The following EGLN1 variants were observed in gnomAD, a reference collection of about 807,000 sequenced individuals.
EGLN1 encodes the protein egl nine homolog 1.
Under a neutral mutation model 38.3 loss-of-function variants are expected in EGLN1, and 17 were observed. The ratio of observed to expected loss-of-function variants is 0.44; its 90% CI spans 0.30 to 0.67. EGLN1 has a LOEUF of 0.67. Among genes scored for constraint, EGLN1 ranks in the 30% least tolerant of loss-of-function variants. EGLN1 has a pLI of 0.08. For synonymous variants in EGLN1, 283 were observed against 257.5 expected, an observed-to-expected ratio of 1.10 and a Z score of -0.95; for missense variants, 477 against 603.3, an observed-to-expected ratio of 0.79 and a Z score of 2.19.
intron 3 of EGLN1, among the ~76,000 whole-genome samples, chr1:231,368,177 T>C (rs1399463777): frequency 6.6e-6 from 1 of 151,430 alleles, no homozygotes; most frequent in African/African-American, 2.4e-5. Flanking sequence ...GGTGACAGAG[T>C]GAGCCTCCCT....
chr1:231,386,954 G>C (rs1455481041), intron 1 of EGLN1, among the ~76,000 whole-genome samples: 1 of 152,066 alleles, frequency 6.6e-6, no homozygotes, highest in Non-Finnish European at 1.5e-5. Context: ...TCAAACTCCT[G>C]AGTGGGAGTA....
intron 1 of EGLN1, among the ~76,000 whole-genome samples, chr1:231,410,594 A>C (rs1337328047): frequency 1.3e-5 from 2 of 152,324 alleles, no homozygotes; most frequent in South Asian, 4.1e-4. Flanking sequence ...AATGACTACT[A>C]CAAACTAAGA....
Position 231,421,518 on chromosome 1 carries a change from G to A in EGLN1, c.371C>T (p.Ala124Val), listed in dbSNP as rs972861708. The change falls in exon 1 of 5, where the codon GCG becomes GTG. Residue 124 changes from alanine to valine, a missense_variant. Physicochemically the swap from Ala to Val is moderately conservative, Grantham distance 64 (BLOSUM62 0). Coordinates refer to ENST00000366641, the MANE Select transcript of EGLN1 (RefSeq NM_022051.3). This position sits in a 1 kb window ranked among gnomAD's most constrained non-coding sequence, Gnocchi z 5.5. ...AKPPADPAAA[A>V]SPCRAAAGGQ... Reference sequence around the variant, plus strand: ...GCCGGCGGCCGCACGACACGGCGACGCGGCCGCCGCTGGGTCGGCCGGGGG... The same window carrying A: ...GCCGGCGGCCGCACGACACGGCGACACGGCCGCCGCTGGGTCGGCCGGGGG... 8.4e-6 allele frequency: 11 copies of A among 1,310,116 alleles called. No homozygotes were observed. The highest frequency in any genetic ancestry group is 4.7e-5 in the African/African-American group (3 of 64,026). The allele number at this position is 1,310,116 out of a possible 1,614,324, so 81.2% of individuals were successfully genotyped here.
intron 1 of EGLN1, among the ~76,000 whole-genome samples, chr1:231,395,013 G>T (rs903706254): frequency 3.9e-5 from 6 of 152,100 alleles, no homozygotes; most frequent in Admixed American, 3.9e-4. Context: ...GATTCAGGAG[G>T]TCTGGAGTGG....
chr1:231,393,711 C>T (rs1470572822), intron 1 of EGLN1, among the ~76,000 whole-genome samples: 1 of 152,186 alleles, frequency 6.6e-6, no homozygotes, highest in East Asian at 1.9e-4. Flanking sequence ...TATCCAACCT[C>T]AAATTCAACA....
intron 1 of EGLN1, among the ~76,000 whole-genome samples, chr1:231,388,599 G>A (rs542156846): frequency 1.3e-5 from 2 of 151,934 alleles, no homozygotes; most frequent in South Asian, 4.2e-4. Flanking sequence ...AGCCTCCCAA[G>A]TAGCTGGGAT....
chr1:231,416,858 T>G (rs1163523551), intron 1 of EGLN1, among the ~76,000 whole-genome samples: 1 of 152,226 alleles, frequency 6.6e-6, no homozygotes, highest in African/African-American at 2.4e-5. Context: ...TTTCAGCCTT[T>G]CTACATACAG....
chr1:231,421,111 C>T lies in EGLN1; in HGVS notation c.778G>A (p.Glu260Lys). The T allele has an allele frequency of 6.2e-7, 1 of 1,614,182 alleles. No homozygotes were observed. Among genetic ancestry groups the T allele is most frequent in the Non-Finnish European group, 8.5e-7 (1 of 1,180,036 alleles). The change falls in exon 1 of 5, where the codon GAG becomes AAG. Residue 260 changes from glutamate (E) to lysine (K), a missense_variant. Coordinates refer to ENST00000366641, the MANE Select transcript of EGLN1 (RefSeq NM_022051.3). The surrounding 1 kb of genome is among the most constrained non-coding windows in gnomAD (Gnocchi z 5.5). ...DIRGDKITWI[E>K]GKEPGCETIG... ...GTTTCGCAGCCGGGCTCCTTGCCCT[C>T]GATCCAGGTGATCTTATCGCCTCGG...
At chr1:231,389,470 G>C (rs1023179273) in intron 1 of EGLN1, among the ~76,000 whole-genome samples, 1 of 152,132 alleles carries the variant, frequency 6.6e-6, no homozygotes, top group Non-Finnish European at 1.5e-5. Flanking sequence ...GCGAGTAACA[G>C]TGGCAATAAA....
intron 1 of EGLN1, 83 bp downstream of exon 1, chr1:231,420,915 C>T (rs1656569136): frequency 1.2e-6 from 2 of 1,611,848 alleles, no homozygotes; most frequent in African/African-American, 1.3e-5. Flanking sequence ...AATGCTGCTT[C>T]TCAGCCTAGG....
At chr1:231,374,201 A>C (rs1334067581) in intron 1 of EGLN1, 102 bp from the exon 2 acceptor site, 4 of 969,876 alleles carry the variant, frequency 4.1e-6, no homozygotes, top group African/African-American at 3.3e-5. Flanking sequence ...ATTTACACTT[A>C]GATTCTTCTA....
chr1:231,409,371 T>C (rs1472156609), intron 1 of EGLN1, among the ~76,000 whole-genome samples: 4 of 152,126 alleles, frequency 2.6e-5, no homozygotes, highest in Admixed American at 6.5e-5. Context: ...AGGTTCAACA[T>C]TGTATTTCCC....
intron 1 of EGLN1, among the ~76,000 whole-genome samples, chr1:231,401,848 T>A (rs1330849635): frequency 6.6e-6 from 1 of 152,200 alleles, no homozygotes; most frequent in Non-Finnish European, 1.5e-5. Flanking sequence ...CTGGGTCATA[T>A]GATAAATTTA....
chr1:231,366,451 A>G lies in EGLN1; in HGVS notation c.1241T>C (p.Leu414Pro). The change falls in exon 5 of 5, where the codon CTC (leucine) becomes CCC (proline). Residue 414 changes from leucine (L) to proline (P), a missense_variant. Leu to Pro is a moderately conservative substitution (Grantham distance 98). Around this residue, in one of 4 missense-constraint regions of EGLN1, gnomAD observed 59 missense variants for 119.0 expected, o/e 0.50. Coordinates refer to ENST00000366641, the MANE Select transcript of EGLN1 (RefSeq NM_022051.3). ...ACCGACCGAATCTGAAGGTTTATTGAGTTCAACCCTCACACCTTTTTCACC... is the reference window on the plus strand; with the variant it reads ...ACCGACCGAATCTGAAGGTTTATTGGGTTCAACCCTCACACCTTTTTCACC... The part of the protein sequence containing the change: ...LTGEKGVRVE[L>P]NKPSDSVGKD... 1 of 1,613,970 alleles carries G rather than the reference A, an allele frequency of 6.2e-7. No individual in the cohort carries two copies. The highest frequency in any genetic ancestry group is 8.5e-7 in the Non-Finnish European group (1 of 1,179,976).
intron 1 of EGLN1, among the ~76,000 whole-genome samples, chr1:231,391,083 G>T (rs1255603337): frequency 2.0e-5 from 1 of 49,836 alleles, no homozygotes; most frequent in African/African-American, 5.2e-5. Flanking sequence ...AACTCATTCT[G>T]TTTTTTTTTT....
chr1:231,397,990 G>C (rs140601839), intron 1 of EGLN1, among the ~76,000 whole-genome samples: 101 of 152,298 alleles, frequency 6.6e-4, no homozygotes, highest in African/African-American at 2.3e-3. Flanking sequence ...CAGTATATAG[G>C]ACTGTATTGA....
intron 1 of EGLN1, among the ~76,000 whole-genome samples, chr1:231,404,476 C>T (rs910683147): frequency 5.3e-5 from 8 of 152,034 alleles, no homozygotes; most frequent in Non-Finnish European, 8.8e-5. Context: ...GGGCTTACGT[C>T]AGTAAGACCT....
chr1:231,382,520 G>A (rs1419076566), intron 1 of EGLN1, among the ~76,000 whole-genome samples: 1 of 152,210 alleles, frequency 6.6e-6, no homozygotes, highest in Non-Finnish European at 1.5e-5. Flanking sequence ...CAGTATTAGA[G>A]AAGAATGGTA....
At chr1:231,415,021 A>C (rs989071628) in intron 1 of EGLN1, among the ~76,000 whole-genome samples, 3 of 152,150 alleles carry the variant, frequency 2.0e-5, no homozygotes, top group Non-Finnish European at 1.5e-5. Context: ...GGCATGAGCC[A>C]GCACTTTGGG....
Sources: allele counts gnomAD v4.1 joint callset (sites outside exome capture counted in the v4.1 genomes callset), GRCh38; gene constraint gnomAD v4.1.1; regional missense constraint gnomAD v4.1.1; non-coding constraint Gnocchi (gnomAD v3.1); transcripts MANE v1.5; gene names NCBI Gene and HGNC (gene_info 2026-07-23, HGNC 2026-07-21).